Variants in PPP2R5C observed in about 807,000 individuals in gnomAD.
PPP2R5C encodes protein phosphatase 2 regulatory subunit B'gamma.
PPP2R5C carries 7 observed loss-of-function variants against 68.9 expected under a neutral mutation model. The observed-to-expected ratio is 0.10, with a 90% CI of 0.06 to 0.19. The LOEUF is 0.19. Ranked by LOEUF, PPP2R5C falls within the 10% of genes least tolerant of loss-of-function variation. The probability of loss-of-function intolerance (pLI) is 1.00; values close to 1 mark genes in which losing one functional copy is unlikely to be tolerated. For synonymous variants in PPP2R5C, 210 were observed against 222.2 expected, an observed-to-expected ratio of 0.95 and a Z score of 0.49; for missense variants, 348 against 641.3, an observed-to-expected ratio of 0.54 and a Z score of 4.94.
At chr14:101,816,313 T>G (rs1057171242) in intron 1 of PPP2R5C, among the ~76,000 whole-genome samples, 1 of 152,156 alleles carries the variant, frequency 6.6e-6, no homozygotes, top group South Asian at 2.1e-4. Context: ...GATAAATCAT[T>G]TCTCTCACTC....
At chr14:101,878,211 T>C (rs1393035630) in intron 2 of PPP2R5C, among the ~76,000 whole-genome samples, 1 of 152,232 alleles carries the variant, frequency 6.6e-6, no homozygotes, top group Non-Finnish European at 1.5e-5. Flanking sequence ...TCACCCTTCA[T>C]TATTTTCTCT....
At chr14:101,901,973 T>C in intron 9 of PPP2R5C, 84 bp downstream of exon 11, 1 of 1,446,414 alleles carries the variant, frequency 6.9e-7, no homozygotes, top group Non-Finnish European at 9.5e-7. Flanking sequence ...TGGCCATGCT[T>C]TGCCTCTCAT....
chr14:101,914,676 G>C (rs1324247427), intron 12 of PPP2R5C: 1 of 155,872 alleles, frequency 6.4e-6, no homozygotes, highest in Non-Finnish European at 1.4e-5. Context: ...AGCAGGCGTT[G>C]GGGACCCGGG....
At chr14:101,770,181 C>A (rs2139964724) in intron 2 of PPP2R5C, among the ~76,000 whole-genome samples, 1 of 152,258 alleles carries the variant, frequency 6.6e-6, no homozygotes, top group Middle Eastern at 3.4e-3. Flanking sequence ...TCTCTGTGAT[C>A]TTTTATGCTT....
In PPP2R5C at chr14:101,915,372, A is replaced by G. The variant is rs2046613919; in HGVS notation, c.1327-2459A>G. 6.6e-6 allele frequency among the ~76,000 whole-genome samples: 1 copy of G among 151,960 alleles called. No individual in the cohort carries two copies. Among genetic ancestry groups the G allele is most frequent in the Non-Finnish European group, 1.5e-5 (1 of 67,980 alleles). Reference sequence around the variant, plus strand: ...TGGGATTACAGGTGTGAGCCACCGCACCTGGCCTTCAGTGAAGGTTTTTAT... The same window carrying G: ...TGGGATTACAGGTGTGAGCCACCGCGCCTGGCCTTCAGTGAAGGTTTTTAT... On this transcript the variant is annotated intron_variant, in intron 12 of 13. Transcript: ENST00000334743. The surrounding 1 kb of genome is among the most constrained non-coding windows in gnomAD (Gnocchi z 4.2).
intron 2 of PPP2R5C, chr14:101,765,117 G>C (rs1460309020): frequency 1.4e-6 from 1 of 702,444 alleles, no homozygotes; most frequent in Admixed American, 2.0e-5. Context: ...CAGTGCCTGA[G>C]TATGATGCCC....
At chr14:101,894,486 C>A (rs1555399602) in intron 7 of PPP2R5C, 21 bp from the exon 10 acceptor site, 3 of 1,610,992 alleles carry the variant, frequency 1.9e-6, no homozygotes, top group Middle Eastern at 1.7e-4. Context: ...TGTTAATGCT[C>A]TTTCTCCTTT....
Position 101,918,544 on chromosome 14 carries a change from G to GC in PPP2R5C, c.1443+604dup, listed in dbSNP as rs1368341819. ...CCCCCTCATCCCCCTCGCTCCTCTC[G>GC]CCCCCCCACCCCTCCCCCCACCCCT... On this transcript the variant is annotated intron_variant, in intron 13 of 13. Coordinates refer to ENST00000334743, the Ensembl canonical transcript of PPP2R5C. 1.8e-3 allele frequency among the ~76,000 whole-genome samples: 15 copies of GC among 8,398 alleles called. 1 individual carries two copies. Among genetic ancestry groups the GC allele is most frequent in the African/African-American group, 6.1e-3 (12 of 1,970 alleles). The allele number at this position is 8,398 out of a possible 152,430, so 5.5% of individuals were successfully genotyped here.
intron 5 of PPP2R5C, among the ~76,000 whole-genome samples, chr14:101,886,219 T>G (rs1200205563): frequency 6.6e-6 from 1 of 150,556 alleles, no homozygotes; most frequent in Non-Finnish European, 1.5e-5. Context: ...AGGCGGAGCT[T>G]ACAGTGAGCC....
chr14:101,901,593 G>T, intron 8 of PPP2R5C, 126 bp from the exon 11 acceptor site: 1 of 896,382 alleles, frequency 1.1e-6, no homozygotes, highest in Non-Finnish European at 1.8e-6. Flanking sequence ...CCTCTGTAAG[G>T]AAGATGGCAC....
chr14:101,819,450 G>A, intron 1 of PPP2R5C: 1 of 197,894 alleles, frequency 5.1e-6, no homozygotes, highest in Non-Finnish European at 1.1e-5. Flanking sequence ...CATCGAGCAG[G>A]ACAGCGGTGT....
At chr14:101,848,610 A>G (rs1226080228) in intron 1 of PPP2R5C, among the ~76,000 whole-genome samples, 1 of 152,172 alleles carries the variant, frequency 6.6e-6, no homozygotes, top group Non-Finnish European at 1.5e-5. Flanking sequence ...GGTCTCAGGT[A>G]GATCCAGGTG....
intron 2 of PPP2R5C, among the ~76,000 whole-genome samples, chr14:101,774,804 ATTG>A (rs939275660): frequency 1.8e-4 from 28 of 152,310 alleles, no homozygotes; most frequent in African/African-American, 6.5e-4. Flanking sequence ...TCATCCAGAA[ATTG>A]TTGTCCTGGC....
chr14:101,817,255 T>G (rs2039778621), intron 1 of PPP2R5C, among the ~76,000 whole-genome samples: 1 of 152,096 alleles, frequency 6.6e-6, no homozygotes, highest in Non-Finnish European at 1.5e-5. Flanking sequence ...TGCCCCAGGA[T>G]GAGAAATATA....
intron 13 of PPP2R5C, 78 bp downstream of exon 15, chr14:101,918,025 T>C: frequency 6.3e-7 from 1 of 1,591,534 alleles, no homozygotes; most frequent in Admixed American, 1.7e-5. Flanking sequence ...GCGATGTGAT[T>C]TGCATCAGTG....
chr14:101,819,173 G>GTT lies in PPP2R5C; in HGVS notation c.94+9143_94+9144dup, dbSNP rs986055219. On this transcript the variant is annotated intron_variant, in intron 1 of 13. Coordinates refer to ENST00000334743, the Ensembl canonical transcript of PPP2R5C. ...AATTAGGAATGGGTTGTCGGTTTTG[G>GTT]TTTTTTTCCCAGCTTTATGTAATTG... 66 of 1,258,438 alleles carry GTT rather than the reference G, an allele frequency of 5.2e-5. No individual in the cohort carries two copies. In the South Asian group the frequency reaches 6.8e-4, roughly 13 times the overall value. 78.0% of individuals were successfully genotyped at this position (1,258,438 alleles called of 1,614,324 possible).
intron 1 of PPP2R5C, among the ~76,000 whole-genome samples, chr14:101,854,222 A>C (rs1322140271): frequency 6.6e-6 from 1 of 151,936 alleles, no homozygotes; most frequent in South Asian, 2.1e-4. Context: ...AGTACACCCC[A>C]CTCCCATGGC....
chr14:101,828,516 A>G (rs1435060280), intron 1 of PPP2R5C, among the ~76,000 whole-genome samples: 1 of 152,152 alleles, frequency 6.6e-6, no homozygotes, highest in African/African-American at 2.4e-5. Flanking sequence ...GATACTCTGT[A>G]TGCTTGTACA....
chr14:101,892,169 C>T (rs1263008865), intron 6 of PPP2R5C, among the ~76,000 whole-genome samples: 6 of 152,108 alleles, frequency 3.9e-5, no homozygotes, highest in Non-Finnish European at 5.9e-5. Flanking sequence ...CTTGGCCAGG[C>T]TGGTCTTGAA....
Sources: gnomAD v4.1 joint callset for allele counts (sites outside exome capture counted in the v4.1 genomes callset) on GRCh38, gnomAD v4.1.1 for gene constraint, Gnocchi (gnomAD v3.1) non-coding constraint, MANE v1.5 for transcripts, NCBI Gene and HGNC (gene_info 2026-07-23, HGNC 2026-07-21) for gene names.